Variants in LRRTM4 observed in about 807,000 individuals in gnomAD.
LRRTM4 encodes leucine rich repeat transmembrane neuronal 4.
LRRTM4 carries 25 observed loss-of-function variants against 47.6 expected under a neutral mutation model. The observed-to-expected ratio is 0.53, with a 90% CI of 0.38 to 0.73. The LOEUF (loss-of-function observed/expected upper bound fraction) is 0.73, where lower values mean the gene tolerates loss of function less well. Among genes scored for constraint, LRRTM4 ranks in the 30% least tolerant of loss-of-function variants. The pLI, the probability that LRRTM4 is intolerant of heterozygous loss-of-function variation, is 0.00. For synonymous variants in LRRTM4, 311 were observed against 269.5 expected (o/e 1.15, Z -1.51); for missense variants, 638 against 713.4 (o/e 0.89, Z 1.20).
intron 3 of LRRTM4, among the ~76,000 whole-genome samples, chr2:77,338,991 A>C (rs911814178): frequency 5.3e-5 from 8 of 152,044 alleles, no homozygotes; most frequent in African/African-American, 1.9e-4. Flanking sequence ...AAGTTAATTA[A>C]TGAAGTAACA....
In LRRTM4 at chr2:76,801,055, A is replaced by G. The variant is rs571749337; in HGVS notation, c.1552-52139T>C. Among the ~76,000 whole-genome samples the G allele has an allele frequency of 8.4e-4, 126 of 149,652 alleles. 1 individual carries two copies. Among genetic ancestry groups the G allele is most frequent in the Middle Eastern group, 6.9e-3 (2 of 290 alleles). On this transcript the variant is annotated intron_variant, in intron 3 of 3. Coordinates refer to ENST00000409884, the MANE Select transcript of LRRTM4 (RefSeq NM_001134745.3). ...TGTGGAGAAATAGGAACACTTTTACACTGTTGGTGGGACTGTAAACTAGTT... is the reference window on the plus strand; with the variant it reads ...TGTGGAGAAATAGGAACACTTTTACGCTGTTGGTGGGACTGTAAACTAGTT...
At chr2:77,290,421 A>T (rs1310909706) in intron 3 of LRRTM4, among the ~76,000 whole-genome samples, 3 of 151,980 alleles carry the variant, frequency 2.0e-5, no homozygotes, top group Admixed American at 2.0e-4. Flanking sequence ...AGGGGAGCAT[A>T]AAGAGGAGAT....
rs115068436 is a variant in LRRTM4 at position 77,340,337 on chromosome 2, C to T, written c.1551+177981G>A. Among the ~76,000 whole-genome samples, 617 of 151,786 alleles carry T rather than the reference C, an allele frequency of 4.1e-3. 4 individuals are homozygous for T. The highest frequency in any genetic ancestry group is 6.2e-3 in the Non-Finnish European group (418 of 67,850). ...AAAAAACAAAAACAAAAACACACTC[C>T]AAGTTGGTATTTTCAATCATAAAAT... On this transcript the variant is annotated intron_variant, in intron 3 of 3. Coordinates refer to ENST00000409884, the MANE Select transcript of LRRTM4 (RefSeq NM_001134745.3).
At chr2:76,914,685 A>G (rs1674185286) in intron 3 of LRRTM4, among the ~76,000 whole-genome samples, 1 of 152,170 alleles carries the variant, frequency 6.6e-6, no homozygotes, top group Non-Finnish European at 1.5e-5. Flanking sequence ...ATGATCTTAA[A>G]TTGAATATTT....
At chr2:77,045,763 CT>C (rs1202247227) in intron 3 of LRRTM4, among the ~76,000 whole-genome samples, 1 of 151,742 alleles carries the variant, frequency 6.6e-6, no homozygotes, top group Non-Finnish European at 1.5e-5. Flanking sequence ...AATTTTTTTT[CT>C]TTTGTAAATT....
intron 3 of LRRTM4, among the ~76,000 whole-genome samples, chr2:77,292,656 A>T (rs1212871176): frequency 7.5e-6 from 1 of 133,336 alleles, no homozygotes; most frequent in Non-Finnish European, 1.5e-5. Context: ...ATGAGAACAC[A>T]TGGACACAGG....
At chr2:77,156,387 T>C (rs1458356629) in intron 3 of LRRTM4, among the ~76,000 whole-genome samples, 15 of 149,524 alleles carry the variant, frequency 1.0e-4, no homozygotes, top group African/African-American at 3.7e-4. Flanking sequence ...AAATGAAATA[T>C]GAAGTATTTG....
At position 77,046,707 on chromosome 2, in the gene LRRTM4, T is replaced by C. The variant is rs565635698; in HGVS notation, c.1552-297791A>G. Among the ~76,000 whole-genome samples, 78 of 151,936 alleles carry C rather than the reference T, an allele frequency of 5.1e-4. No individual in the cohort carries two copies. In the South Asian group the frequency reaches 0.01, roughly 20 times the overall value. On this transcript the variant is annotated intron_variant, in intron 3 of 3. Transcript: ENST00000409884. Reference sequence around the variant, plus strand: ...ATAAGATTCAAAATTTTAAAAAGCATAGAGAAAAAGGCAGAAGGAGGTCTG... The same window carrying C: ...ATAAGATTCAAAATTTTAAAAAGCACAGAGAAAAAGGCAGAAGGAGGTCTG...
chr2:76,942,966 G>A (rs1447519747), intron 3 of LRRTM4, among the ~76,000 whole-genome samples: 1 of 151,982 alleles, frequency 6.6e-6, no homozygotes, highest in African/African-American at 2.4e-5. Context: ...CTTAAACTAC[G>A]TTTCCTAGTC....
At chr2:77,262,718 A>G (rs1240101656) in intron 3 of LRRTM4, among the ~76,000 whole-genome samples, 1 of 151,922 alleles carries the variant, frequency 6.6e-6, no homozygotes, top group East Asian at 2.0e-4. Flanking sequence ...TATTTGTCTC[A>G]TGGTAAAACC....
chr2:77,255,701 G>A (rs1014376771), intron 3 of LRRTM4, among the ~76,000 whole-genome samples: 1 of 151,802 alleles, frequency 6.6e-6, no homozygotes, highest in Non-Finnish European at 1.5e-5. Context: ...AAGGGAAATA[G>A]AAAAAATAAT....
At chr2:77,444,177 C>A (rs1005424331) in intron 3 of LRRTM4, among the ~76,000 whole-genome samples, 2 of 151,986 alleles carry the variant, frequency 1.3e-5, no homozygotes, top group African/African-American at 4.8e-5. Flanking sequence ...CAATATAACA[C>A]CCAATCAAAC....
chr2:77,110,365 C>A (rs2103932622), intron 3 of LRRTM4, among the ~76,000 whole-genome samples: 1 of 152,190 alleles, frequency 6.6e-6, no homozygotes, highest in East Asian at 1.9e-4. Context: ...AGGTAAAAAT[C>A]AAAACCCACT....
intron 3 of LRRTM4, among the ~76,000 whole-genome samples, chr2:76,804,954 G>A (rs998527684): frequency 1.3e-5 from 2 of 151,828 alleles, no homozygotes; most frequent in African/African-American, 4.8e-5. Flanking sequence ...AAATATTTGA[G>A]TTGCCTGTCA....
chr2:77,224,628 C>T (rs562712093), intron 3 of LRRTM4, among the ~76,000 whole-genome samples: 41 of 152,254 alleles, frequency 2.7e-4, no homozygotes, highest in East Asian at 1.5e-3. Context: ...TCATCACTGG[C>T]GGTCAGAGAA....
chr2:76,914,132 A>T (rs975862778), intron 3 of LRRTM4, among the ~76,000 whole-genome samples: 4 of 151,896 alleles, frequency 2.6e-5, no homozygotes, highest in Non-Finnish European at 4.4e-5. Context: ...TTTTAAATTG[A>T]TCTTTGTAGT....
intron 3 of LRRTM4, among the ~76,000 whole-genome samples, chr2:77,243,209 T>C (rs926063337): frequency 5.3e-5 from 8 of 151,924 alleles, no homozygotes; most frequent in Non-Finnish European, 8.8e-5. Context: ...GGTCAGGAGT[T>C]CGAGAACAGC....
chr2:77,049,125 T>TATATATATATACATATATATATATATAC (rs1413442175), intron 3 of LRRTM4, among the ~76,000 whole-genome samples: 9 of 72,528 alleles, frequency 1.2e-4, no homozygotes, highest in African/African-American at 3.6e-4. Flanking sequence ...TCATTTTTTA[T>TATATATATATACATATATATATATATAC]ATATATATAT....
intron 3 of LRRTM4, among the ~76,000 whole-genome samples, chr2:77,352,067 T>G (rs1038666995): frequency 3.9e-5 from 6 of 152,146 alleles, no homozygotes; most frequent in African/African-American, 1.4e-4. Context: ...TCATAATCCG[T>G]AGTCAATCAT....
Sources: allele counts gnomAD v4.1 joint callset (sites outside exome capture counted in the v4.1 genomes callset), GRCh38; gene constraint gnomAD v4.1.1; transcripts MANE v1.5; gene names NCBI Gene and HGNC (gene_info 2026-07-23, HGNC 2026-07-21).